The following PTPRR variants were observed in gnomAD, a reference collection of about 807,000 sequenced individuals.
The protein encoded by PTPRR is receptor-type tyrosine-protein phosphatase R.
PTPRR carries 38 observed loss-of-function variants against 77.2 expected under a neutral mutation model. The ratio of observed to expected loss-of-function variants is 0.49; its 90% CI spans 0.38 to 0.65. PTPRR has a LOEUF of 0.65. PTPRR is among the 30% of genes least tolerant of loss of function. PTPRR has a pLI of 0.00. For missense variants in PTPRR, 744 were observed against 799.2 expected, an observed-to-expected ratio of 0.93 and a Z score of 0.83; for synonymous variants, 299 against 283.1, an observed-to-expected ratio of 1.06 and a Z score of -0.57.
intron 10 of PTPRR, among the ~76,000 whole-genome samples, chr12:70,670,206 T>G (rs574068926): frequency 6.6e-6 from 1 of 152,344 alleles, no homozygotes; most frequent in South Asian, 2.1e-4. Flanking sequence ...GAGCAGTGTG[T>G]TAGGCCAAAT....
At chr12:70,738,351 A>G (rs577765883) in intron 6 of PTPRR, among the ~76,000 whole-genome samples, 1 of 152,332 alleles carries the variant, frequency 6.6e-6, no homozygotes, top group East Asian at 1.9e-4. Context: ...TTTGATAGAA[A>G]AAAACACCCA....
intron 2 of PTPRR, among the ~76,000 whole-genome samples, chr12:70,851,132 T>A (rs571232562): frequency 6.6e-6 from 1 of 152,298 alleles, no homozygotes; most frequent in East Asian, 1.9e-4. Context: ...AAAAGAAAAC[T>A]AACGTTAGGT....
intron 2 of PTPRR, among the ~76,000 whole-genome samples, chr12:70,792,843 T>C (rs570789314): frequency 1.8e-4 from 28 of 152,252 alleles, no homozygotes; most frequent in Admixed American, 1.5e-3. Flanking sequence ...TAATGAGATA[T>C]CAGTTTGAAA....
At chr12:70,878,773 G>A (rs191647906) in intron 2 of PTPRR, among the ~76,000 whole-genome samples, 2 of 152,116 alleles carry the variant, frequency 1.3e-5, no homozygotes, top group African/African-American at 2.4e-5. Flanking sequence ...AGGATTATAA[G>A]TCAAGCTGCT....
Position 70,754,210 on chromosome 12 carries a change from A to G in PTPRR, c.719T>C (p.Ile240Thr), listed in dbSNP as rs1273020996. The G allele has an allele frequency of 4.3e-6, 7 of 1,613,392 alleles. No individual in the cohort carries two copies. In the African/African-American group the frequency reaches 9.3e-5, roughly 22 times the overall value. ...AVVIFLSIFVIIVTCLMILYR... is the reference protein window; with the variant it reads ...AVVIFLSIFVTIVTCLMILYR... Reference sequence around the variant, plus strand: ...ACTTACCATCAAACACGTTACTATAATAACAAAGATGCTGAGAAAAATGAC... The same window carrying G: ...ACTTACCATCAAACACGTTACTATAGTAACAAAGATGCTGAGAAAAATGAC... The change falls in exon 5 of 14, where the codon ATT (isoleucine) becomes ACT (threonine). Residue 240 changes from isoleucine to threonine, a missense_variant. Ile to Thr is a moderately conservative substitution (Grantham distance 89). This residue lies in a region of PTPRR where 570 missense variants were observed against 573.2 expected (regional missense o/e 0.99). Transcript: ENST00000283228.
intron 2 of PTPRR, among the ~76,000 whole-genome samples, chr12:70,836,219 T>C (rs1164546028): frequency 6.6e-6 from 1 of 151,966 alleles, no homozygotes; most frequent in East Asian, 1.9e-4. Context: ...CATGTATGAG[T>C]TGGTCCCTGC....
intron 6 of PTPRR, 51 bp downstream of exon 6, chr12:70,745,767 A>G (rs767208943): frequency 1.9e-6 from 3 of 1,557,758 alleles, no homozygotes; most frequent in East Asian, 2.3e-5. Flanking sequence ...TAGTTGATGA[A>G]TACTCTTTTT....
intron 2 of PTPRR, among the ~76,000 whole-genome samples, chr12:70,795,034 G>A (rs937800371): frequency 6.6e-6 from 1 of 152,064 alleles, no homozygotes; most frequent in Non-Finnish European, 1.5e-5. Flanking sequence ...TAAGAGAGAG[G>A]GTAGGGAGAT....
At chr12:70,659,618 C>A (rs1189010347) in intron 12 of PTPRR, among the ~76,000 whole-genome samples, 1 of 152,066 alleles carries the variant, frequency 6.6e-6, no homozygotes, top group Non-Finnish European at 1.5e-5. Context: ...ACAGTTCCAG[C>A]CCTAACGCAT....
chr12:70,733,954 T>C (rs996596009), intron 6 of PTPRR, among the ~76,000 whole-genome samples: 1 of 152,158 alleles, frequency 6.6e-6, no homozygotes, highest in African/African-American at 2.4e-5. Context: ...AAAATGCACA[T>C]AGTGGGACCC....
At chr12:70,719,956 G>A (rs1403026457) in intron 6 of PTPRR, among the ~76,000 whole-genome samples, 1 of 152,238 alleles carries the variant, frequency 6.6e-6, no homozygotes, top group African/African-American at 2.4e-5. Flanking sequence ...AGCCCACCCT[G>A]CCGACGACCC....
chr12:70,690,858 T>G (rs1315610374), intron 8 of PTPRR, among the ~76,000 whole-genome samples: 1 of 152,170 alleles, frequency 6.6e-6, no homozygotes, highest in African/African-American at 2.4e-5. Flanking sequence ...TTGCATACAT[T>G]AATATTACTA....
intron 2 of PTPRR, among the ~76,000 whole-genome samples, chr12:70,830,347 A>C (rs1326403462): frequency 6.6e-6 from 1 of 152,196 alleles, no homozygotes; most frequent in Non-Finnish European, 1.5e-5. Context: ...TCACTGCCCC[A>C]GTCTGAGGGA....
At chr12:70,729,168 C>T (rs1300254516) in intron 6 of PTPRR, among the ~76,000 whole-genome samples, 1 of 152,026 alleles carries the variant, frequency 6.6e-6, no homozygotes, top group African/African-American at 2.4e-5. Flanking sequence ...TATTCAAATA[C>T]ACCATAGACA....
At chr12:70,881,753 C>A (rs1421709125) in intron 2 of PTPRR, among the ~76,000 whole-genome samples, 2 of 152,150 alleles carry the variant, frequency 1.3e-5, no homozygotes, top group African/African-American at 4.8e-5. Flanking sequence ...TCTGATCAAT[C>A]TTCTTTATGA....
intron 6 of PTPRR, among the ~76,000 whole-genome samples, chr12:70,737,187 G>C (rs1565674448): frequency 6.6e-6 from 1 of 152,168 alleles, no homozygotes; most frequent in East Asian, 1.9e-4. Flanking sequence ...CTCAAGGTGA[G>C]ACAACTGTCC....
chr12:70,713,436 T>A (rs1592697224), intron 6 of PTPRR, among the ~76,000 whole-genome samples: 1 of 152,354 alleles, frequency 6.6e-6, no homozygotes, highest in Admixed American at 6.5e-5. Context: ...CTGGGTTATA[T>A]GGTAACTACA....
intron 2 of PTPRR, among the ~76,000 whole-genome samples, chr12:70,833,590 T>A (rs1002754629): frequency 6.6e-6 from 1 of 152,170 alleles, no homozygotes; most frequent in South Asian, 2.1e-4. Flanking sequence ...GAAGACATAG[T>A]AGTCTCACTC....
intron 12 of PTPRR, among the ~76,000 whole-genome samples, chr12:70,660,718 G>A (rs1001035237): frequency 2.6e-5 from 4 of 152,162 alleles, no homozygotes; most frequent in Non-Finnish European, 4.4e-5. Context: ...GTATTTCGCC[G>A]ACTGTGTAAT....
Sources: allele counts gnomAD v4.1 joint callset (sites outside exome capture counted in the v4.1 genomes callset), GRCh38; gene constraint gnomAD v4.1.1; regional missense constraint gnomAD v4.1.1; transcripts MANE v1.5; gene names NCBI Gene and HGNC (gene_info 2026-07-23, HGNC 2026-07-21).